Variants in EML6 observed in about 807,000 individuals in gnomAD.
EML6 encodes echinoderm microtubule-associated protein-like 6.
EML6 carries 154 observed loss-of-function variants against 240.1 expected under a neutral mutation model. The ratio of observed to expected loss-of-function variants is 0.64; its 90% CI spans 0.56 to 0.73. The LOEUF is 0.73. EML6 is among the 30% of genes least tolerant of loss of function. EML6 has a pLI of 0.00. For missense variants in EML6, 2,964 were observed against 2,474.6 expected, an observed-to-expected ratio of 1.20 and a Z score of -4.20; for synonymous variants, 1,148 against 899.0, an observed-to-expected ratio of 1.28 and a Z score of -4.95.
chr2:54,814,933 G>A (rs1249211430), intron 3 of EML6, among the ~76,000 whole-genome samples: 1 of 152,182 alleles, frequency 6.6e-6, no homozygotes, highest in Non-Finnish European at 1.5e-5. Flanking sequence ...CTGGATGCTA[G>A]TATTTGTTCA....
chr2:54,915,534 G>GT (rs1673864616), intron 25 of EML6, among the ~76,000 whole-genome samples: 1 of 152,072 alleles, frequency 6.6e-6, no homozygotes, highest in African/African-American at 2.4e-5. Flanking sequence ...AGTCACCTTG[G>GT]TCTGTGTTCC....
chr2:54,890,759 C>T (rs190551310), intron 17 of EML6, among the ~76,000 whole-genome samples: 1 of 152,264 alleles, frequency 6.6e-6, no homozygotes, highest in Admixed American at 6.5e-5. Context: ...ACAGTGGTGG[C>T]ATTAATTTTA....
intron 35 of EML6, among the ~76,000 whole-genome samples, chr2:54,962,190 A>G (rs535852386): frequency 6.6e-6 from 1 of 151,590 alleles, no homozygotes; most frequent in East Asian, 2.0e-4. Flanking sequence ...GGCTCAAGCA[A>G]TCCCCAAGTT....
At chr2:54,791,478 C>CCAT (rs1277148862) in intron 2 of EML6, among the ~76,000 whole-genome samples, 2 of 152,208 alleles carry the variant, frequency 1.3e-5, no homozygotes, top group African/African-American at 4.8e-5. Flanking sequence ...ACAAGTTTAT[C>CCAT]CATCATTGTT....
intron 28 of EML6, among the ~76,000 whole-genome samples, chr2:54,933,799 G>A (rs1443203560): frequency 6.6e-6 from 1 of 152,112 alleles, no homozygotes; most frequent in African/African-American, 2.4e-5. Context: ...ATGCAGTTAT[G>A]CCACCTTCCC....
At chr2:54,733,025 T>G (rs1442537515) in intron 2 of EML6, among the ~76,000 whole-genome samples, 2 of 152,230 alleles carry the variant, frequency 1.3e-5, no homozygotes, top group Non-Finnish European at 2.9e-5. Context: ...TATCAGTTCA[T>G]TCCTTTCTTC....
chr2:54,896,549 A>G (rs541414773), intron 21 of EML6, among the ~76,000 whole-genome samples: 2 of 152,312 alleles, frequency 1.3e-5, no homozygotes, highest in Admixed American at 6.5e-5. Flanking sequence ...GGTGATGGAT[A>G]AGACCATATT....
intron 28 of EML6, among the ~76,000 whole-genome samples, chr2:54,940,059 G>T (rs918929432): frequency 1.3e-5 from 2 of 152,126 alleles, no homozygotes; most frequent in African/African-American, 4.8e-5. Flanking sequence ...GGAAACCAAG[G>T]AACTTTTACC....
At chr2:54,904,484 G>A (rs748945529) in intron 24 of EML6, among the ~76,000 whole-genome samples, 2 of 152,176 alleles carry the variant, frequency 1.3e-5, no homozygotes, top group South Asian at 2.1e-4. Context: ...TCTGTAGAAG[G>A]GAGTGACCTT....
intron 10 of EML6, among the ~76,000 whole-genome samples, chr2:54,850,692 C>G (rs904891687): frequency 6.6e-6 from 1 of 152,082 alleles, no homozygotes; most frequent in African/African-American, 2.4e-5. Flanking sequence ...TTTAGACTGG[C>G]AAAAGTCTGA....
chr2:54,877,204 C>T (rs1382011830), intron 16 of EML6, among the ~76,000 whole-genome samples: 1 of 151,934 alleles, frequency 6.6e-6, no homozygotes, highest in Admixed American at 6.6e-5. Flanking sequence ...GGCTGATCAC[C>T]AACTCCTGGG....
chr2:54,928,617 T>C lies in EML6; in HGVS notation c.3878-8T>C. The C allele has an allele frequency of 6.4e-7, 1 of 1,552,026 alleles. No individual in the cohort carries two copies. The highest frequency in any genetic ancestry group is 8.7e-7 in the Non-Finnish European group (1 of 1,147,038). The stretch of plus-strand genomic sequence containing the variant: ...AACTGGCTCCCCAATCTCTTTCTGT[T>C]GTTTGAGGCTATGACAGCGATGTTG... On this transcript the variant is annotated splice_polypyrimidine_tract_variant and splice_region_variant and intron_variant, in intron 27 of 41. Transcript: ENST00000356458.
At chr2:54,949,894 A>G (rs968205374) in intron 29 of EML6, among the ~76,000 whole-genome samples, 3 of 152,186 alleles carry the variant, frequency 2.0e-5, no homozygotes, top group African/African-American at 7.2e-5. Context: ...GCCAGCTCCC[A>G]GTACCCTGGT....
intron 14 of EML6, chr2:54,867,161 G>T (rs1320794004): frequency 4.2e-6 from 1 of 237,108 alleles, no homozygotes; most frequent in Non-Finnish European, 8.2e-6. Context: ...GCTGCTCATT[G>T]CTGCTGCACT....
intron 26 of EML6, among the ~76,000 whole-genome samples, chr2:54,923,170 A>G (rs1261319845): frequency 6.6e-6 from 1 of 151,894 alleles, no homozygotes; most frequent in Admixed American, 6.6e-5. Context: ...CGAACTCCCA[A>G]CCTCAGCTGA....
chr2:54,856,162 T>A (rs1391134755), intron 11 of EML6, among the ~76,000 whole-genome samples: 1 of 152,230 alleles, frequency 6.6e-6, no homozygotes, highest in African/African-American at 2.4e-5. Flanking sequence ...CCAATTTGTT[T>A]TTCTCATTTT....
At chr2:54,735,742 C>T (rs958939771) in intron 2 of EML6, among the ~76,000 whole-genome samples, 3 of 152,162 alleles carry the variant, frequency 2.0e-5, no homozygotes, top group Admixed American at 1.3e-4. Flanking sequence ...GCATCCCTTT[C>T]AATGTAAGAA....
chr2:54,801,130 C>G (rs1005975124), intron 2 of EML6, among the ~76,000 whole-genome samples: 1 of 151,850 alleles, frequency 6.6e-6, no homozygotes, highest in Non-Finnish European at 1.5e-5. Flanking sequence ...ACCATCCTGG[C>G]TAATACAGTG....
intron 37 of EML6, 41 bp downstream of exon 37, chr2:54,964,199 GCATTCTGCTTACCAGTGGTTCC>G (rs1199944819): frequency 6.5e-7 from 1 of 1,535,926 alleles, no homozygotes. Context: ...AGAAAGGCAA[GCATTCTGCTTACCAGTGGTTCC>G]CATTCCAGCC....
Sources: gnomAD v4.1 joint callset for allele counts (sites outside exome capture counted in the v4.1 genomes callset) on GRCh38, gnomAD v4.1.1 for gene constraint, MANE v1.5 for transcripts, NCBI Gene and HGNC (gene_info 2026-07-23, HGNC 2026-07-21) for gene names.